TMEM114: variants seen among roughly 807,000 people sequenced by gnomAD.
The protein encoded by TMEM114 is transmembrane protein 114.
TMEM114 carries 6 observed loss-of-function variants against 6.2 expected under a neutral mutation model. That is an observed-to-expected ratio of 0.97 (90% confidence interval 0.53 to 1.91). The LOEUF is 1.91. TMEM114 is among the 40% of genes most tolerant of loss of function. The pLI, the probability that TMEM114 is intolerant of heterozygous loss-of-function variation, is 0.01. For synonymous variants in TMEM114, 104 were observed against 73.0 expected, an observed-to-expected ratio of 1.42 and a Z score of -2.16; for missense variants, 218 against 158.3, an observed-to-expected ratio of 1.38 and a Z score of -2.02.
chr16:8,583,359 A>G (rs1015197377), intron 2 of TMEM114, among the ~76,000 whole-genome samples: 6 of 152,200 alleles, frequency 3.9e-5, no homozygotes, highest in African/African-American at 1.4e-4. Context: ...GTGAGCTCCT[A>G]CTGTGCACAG....
rs1335164185 is a variant in TMEM114, at chr16:8,569,718, C to T, written c.*55G>A. ...GAGGCCGCAGCCGATGGAGATCGGT[C>T]GGTGAAGCTCCGGGGCCAAGCCCCT... On this transcript the variant is annotated 3_prime_UTR_variant, in exon 4 of 4. Transcript: ENST00000620492. 1.3e-6 allele frequency: 2 copies of T among 1,496,086 alleles called. No homozygotes were observed. The highest frequency in any genetic ancestry group is 8.9e-7 in the Non-Finnish European group (1 of 1,118,306). 92.7% of individuals were successfully genotyped at this position (1,496,086 alleles called of 1,614,324 possible).
At chr16:8,571,468 AT>A (rs1901730158) in intron 3 of TMEM114, among the ~76,000 whole-genome samples, 2 of 152,130 alleles carry the variant, frequency 1.3e-5, no homozygotes. Flanking sequence ...ACTCTCAGCG[AT>A]TTTCAAGAAC....
downstream of TMEM114, among the ~76,000 whole-genome samples, chr16:8,533,408 A>T (rs1484076285): frequency 6.6e-6 from 1 of 152,180 alleles, no homozygotes; most frequent in Non-Finnish European, 1.5e-5. Context: ...TTCATGGAAG[A>T]TGGGCCAAGG....
intron 2 of TMEM114, among the ~76,000 whole-genome samples, chr16:8,542,915 A>G (rs1900557058): frequency 6.6e-6 from 1 of 152,204 alleles, no homozygotes; most frequent in African/African-American, 2.4e-5. Context: ...TCACAGAATA[A>G]TACAAACTGC....
At position 8,541,469 on chromosome 16, in the gene TMEM114, A is replaced by C. The variant is rs1900514112; in HGVS notation, n.213-3643T>G. ...ACAGTGATATCTACTAAGAGATCAG[A>C]GACAATTCGTCTGACCATAAGGTTC... On this transcript the variant is annotated intron_variant and non_coding_transcript_variant, in intron 2 of 2. Coordinates refer to the TMEM114 transcript ENST00000623677. Among the ~76,000 whole-genome samples the C allele has an allele frequency of 2.0e-5, 3 of 152,216 alleles. No individual in the cohort carries two copies. The South Asian group carries it at 6.2e-4, about 32-fold the overall frequency.
At chr16:8,562,041 T>G (rs1901239243) in intron 2 of TMEM114, among the ~76,000 whole-genome samples, 1 of 149,526 alleles carries the variant, frequency 6.7e-6, no homozygotes, top group Non-Finnish European at 1.5e-5. Context: ...AGTGAGTAAA[T>G]GAGTGAGTGA....
chr16:8,563,617 CT>C (rs1323075456), intron 2 of TMEM114, among the ~76,000 whole-genome samples: 1 of 132,714 alleles, frequency 7.5e-6, no homozygotes, highest in East Asian at 2.3e-4. Flanking sequence ...AAATGAGTGA[CT>C]GAATGAGTGA....
intron 2 of TMEM114, among the ~76,000 whole-genome samples, chr16:8,542,057 G>A (rs1053633842): frequency 2.0e-5 from 3 of 152,160 alleles, no homozygotes; most frequent in African/African-American, 4.8e-5. Context: ...ACATTAGGCA[G>A]AAATGCAGCA....
At chr16:8,532,854 G>T (rs1900255875), downstream of TMEM114, among the ~76,000 whole-genome samples, 1 of 152,130 alleles carries the variant, frequency 6.6e-6, no homozygotes, top group Non-Finnish European at 1.5e-5. Flanking sequence ...AACCCAGGAG[G>T]CGGAGCTTGC....
At chr16:8,564,917 CTGAG>C (rs1901482542), downstream of TMEM114, among the ~76,000 whole-genome samples, 2 of 55,022 alleles carry the variant, frequency 3.6e-5, no homozygotes, top group African/African-American at 1.6e-4. Flanking sequence ...GAATGAGTGA[CTGAG>C]TGAGGGAATG....
At chr16:8,534,107 T>A (rs933461885), downstream of TMEM114, among the ~76,000 whole-genome samples, 1 of 152,166 alleles carries the variant, frequency 6.6e-6, no homozygotes, top group African/African-American at 2.4e-5. Flanking sequence ...AAGTCATTCA[T>A]CAGAAAATCT....
At chr16:8,530,313 C>T in the TMEM114 span, among the ~76,000 whole-genome samples, 15 of 152,280 alleles carry the variant, frequency 9.9e-5, 1 homozygote, top group African/African-American at 3.1e-4. Context: ...GGAGACCTGG[C>T]TCCACATGGC....
downstream of TMEM114, among the ~76,000 whole-genome samples, chr16:8,566,468 A>G (rs1219977285): frequency 1.4e-5 from 2 of 146,308 alleles, no homozygotes; most frequent in South Asian, 2.4e-4. Flanking sequence ...TCAGAACACA[A>G]CAGAATGGAT....
intron 2 of TMEM114, among the ~76,000 whole-genome samples, chr16:8,541,640 A>G (rs1008056351): frequency 6.6e-6 from 1 of 152,224 alleles, no homozygotes; most frequent in African/African-American, 2.4e-5. Context: ...AGTTTTATTA[A>G]TGTTTTAAAA....
At chr16:8,541,828 T>C (rs1415066327) in intron 2 of TMEM114, among the ~76,000 whole-genome samples, 2 of 152,164 alleles carry the variant, frequency 1.3e-5, no homozygotes, top group African/African-American at 2.4e-5. Flanking sequence ...GGGAAGATTC[T>C]AGAATTCTGC....
intron 2 of TMEM114, among the ~76,000 whole-genome samples, chr16:8,564,375 G>C (rs139030657): frequency 0.037 from 5,515 of 150,192 alleles, 233 homozygotes; most frequent in South Asian, 0.096. Flanking sequence ...ATGAGTCAGT[G>C]AATGAGTGAG....
chr16:8,564,338 TCAGTGAGA>T (rs1350133574), intron 2 of TMEM114, among the ~76,000 whole-genome samples: 1 of 139,380 alleles, frequency 7.2e-6, no homozygotes, highest in African/African-American at 2.7e-5. Flanking sequence ...AGAGAATGAG[TCAGTGAGA>T]GAATGAGTCA....
At chr16:8,564,701 G>GTAAATGAGTGAGTGAGGGAGGGAGGGAA (rs1901465027), downstream of TMEM114, among the ~76,000 whole-genome samples, 20 of 149,630 alleles carry the variant, frequency 1.3e-4, no homozygotes, top group African/African-American at 2.0e-4. Flanking sequence ...GAATGAGTGA[G>GTAAATGAGTGAGTGAGGGAGGGAGGGAA]TGAGTGAATG....
Position 8,564,477 on chromosome 16 carries a change from C to T in TMEM114, n.212+24736G>A, listed in dbSNP as rs1475427728. On this transcript the variant is annotated intron_variant and non_coding_transcript_variant, in intron 2 of 2. Transcript: ENST00000623677. ...AGTGAGTAAATGAGTGAGGGAGGGA[C>T]GGAGGGAATGAATGAGTGAATGAGT... Among the ~76,000 whole-genome samples, 4 of 20,482 alleles carry T rather than the reference C, an allele frequency of 2.0e-4. No individual in the cohort carries two copies. In the East Asian group the frequency reaches 3.5e-3, roughly 18 times the overall value. The allele number at this position is 20,482 out of a possible 152,430, so 13.4% of individuals were successfully genotyped here. A position where few individuals can be genotyped will look rare whatever the true frequency, so the allele number is the denominator to read the frequency against.
Sources: allele counts gnomAD v4.1 joint callset (sites outside exome capture counted in the v4.1 genomes callset), GRCh38; gene constraint gnomAD v4.1.1; transcripts MANE v1.5; gene names NCBI Gene and HGNC (gene_info 2026-07-23, HGNC 2026-07-21).